PMEPA1: variants seen among roughly 807,000 people sequenced by gnomAD.
PMEPA1 encodes protein TMEPAI.
Under a neutral mutation model 23.0 loss-of-function variants are expected in PMEPA1, and 11 were observed. The ratio of observed to expected loss-of-function variants is 0.48; its 90% CI spans 0.30 to 0.79. The LOEUF is 0.79. Among genes scored for constraint, PMEPA1 ranks in the 30% least tolerant of loss-of-function variants. The pLI is 0.06. For missense variants in PMEPA1, 377 were observed against 390.9 expected (o/e 0.96, Z 0.30); for synonymous variants, 204 against 166.4 (o/e 1.23, Z -1.74).
chr20:57,679,338 T>C (rs2071680175), intron 1 of PMEPA1, among the ~76,000 whole-genome samples: 1 of 152,160 alleles, frequency 6.6e-6, no homozygotes, highest in Admixed American at 6.5e-5. Flanking sequence ...CTAGCTGCTT[T>C]GGGGCTTGGC....
intron 1 of PMEPA1, among the ~76,000 whole-genome samples, chr20:57,693,093 G>A (rs868058993): frequency 1.3e-5 from 2 of 152,228 alleles, no homozygotes; most frequent in Admixed American, 1.3e-4. Context: ...GGGAGTGGCC[G>A]CCTCGCTCTG....
intron 1 of PMEPA1, chr20:57,690,392 AC>A: frequency 7.8e-7 from 1 of 1,285,058 alleles, no homozygotes; most frequent in Non-Finnish European, 1.0e-6. Context: ...GAAGAAACTT[AC>A]CTCCATGTGC....
Position 57,653,090 on chromosome 20 carries a change from C to A in PMEPA1, c.265-4G>T, listed in dbSNP as rs377133600. On this transcript the variant is annotated splice_polypyrimidine_tract_variant and splice_region_variant and intron_variant, in intron 2 of 3. Coordinates refer to ENST00000341744, the MANE Select transcript of PMEPA1 (RefSeq NM_020182.5). Reference sequence around the variant, plus strand: ...CCGAGGGCCACAGGCATCCTTCCTGCACAGGAAGAAACGTACAAGCAGGGT... The same window carrying A: ...CCGAGGGCCACAGGCATCCTTCCTGAACAGGAAGAAACGTACAAGCAGGGT... 1.1e-4 allele frequency: 168 copies of A among 1,581,042 alleles called. No homozygotes were observed. Among genetic ancestry groups the A allele is most frequent in the Non-Finnish European group, 1.4e-4 (166 of 1,162,852 alleles).
intron 1 of PMEPA1, among the ~76,000 whole-genome samples, chr20:57,679,928 C>T (rs157095): frequency 0.3 from 45,952 of 152,100 alleles, 7,185 homozygotes; most frequent in African/African-American, 0.41. Flanking sequence ...ACAGAGCAAC[C>T]GTGCAAAGCT....
At chr20:57,669,504 G>A (rs776370648) in intron 1 of PMEPA1, among the ~76,000 whole-genome samples, 2 of 152,124 alleles carry the variant, frequency 1.3e-5, no homozygotes, top group Non-Finnish European at 2.9e-5. Flanking sequence ...GTGCAAGAAG[G>A]CCCCCTGCAG....
chr20:57,664,816 A>C (rs1016035642), intron 1 of PMEPA1, among the ~76,000 whole-genome samples: 2 of 152,238 alleles, frequency 1.3e-5, no homozygotes, highest in African/African-American at 4.8e-5. Flanking sequence ...AGGGCCAAGC[A>C]GGCCACACCC....
chr20:57,689,660 A>G (rs2071850161), intron 1 of PMEPA1, among the ~76,000 whole-genome samples: 1 of 152,240 alleles, frequency 6.6e-6, no homozygotes, highest in South Asian at 2.1e-4. Flanking sequence ...CATGATGATC[A>G]GCTTAGAAGC....
At position 57,651,772 on chromosome 20, in the gene PMEPA1, GAA is replaced by G. The variant is rs2071232217; in HGVS notation, c.*279_*280del. ...ACGCACGCAGCTCAACTAGAAACAA[GAA>G]AGACTACTGTAGAAATTTTTTTTCT... is the stretch of plus-strand genomic sequence containing the variant. On this transcript the variant is annotated 3_prime_UTR_variant, in exon 4 of 4. Coordinates refer to ENST00000341744, the MANE Select transcript of PMEPA1 (RefSeq NM_020182.5). The G allele has an allele frequency of 1.0e-5, 3 of 286,192 alleles. No individual in the cohort carries two copies. Among genetic ancestry groups the G allele is most frequent in the African/African-American group, 6.5e-5 (3 of 45,844 alleles). The allele number at this position is 286,192 out of a possible 1,614,324, so 17.7% of individuals were successfully genotyped here.
Position 57,652,640 on chromosome 20 carries a change from A to T in PMEPA1, c.319-42T>A, listed in dbSNP as rs756355534. ...GGGAGTGAGGGAGGGCGGCTGTCTC[A>T]GGTGGGTTGTCCAGAAGCGATCCTG... On this transcript the variant is annotated intron_variant, in intron 3 of 3. Coordinates refer to ENST00000341744, the MANE Select transcript of PMEPA1 (RefSeq NM_020182.5). The surrounding 1 kb of genome is among the most constrained non-coding windows in gnomAD (Gnocchi z 6.1). 1 of 1,417,720 alleles carries T rather than the reference A, an allele frequency of 7.1e-7. No homozygotes were observed. The highest frequency in any genetic ancestry group is 1.5e-5 in the South Asian group (1 of 67,774). 87.8% of individuals were successfully genotyped at this position (1,417,720 alleles called of 1,614,324 possible).
At chr20:57,688,704 C>T (rs1194406471) in intron 1 of PMEPA1, among the ~76,000 whole-genome samples, 6 of 152,146 alleles carry the variant, frequency 3.9e-5, no homozygotes, top group South Asian at 2.1e-4. Flanking sequence ...ATGAGGCGAC[C>T]GAGGCTAAAA....
In PMEPA1 at chr20:57,659,547, G is replaced by A; in HGVS notation, c.260C>T (p.Ser87Phe). 1 of 1,613,906 alleles carries A rather than the reference G, an allele frequency of 6.2e-7. No homozygotes were observed. ...ATGGGATGGCGGGGCACTTACTGAG[G>A]ACAGGGCATCTTCTCTCCTCCGCCC... Reference protein sequence around the residue: ...SQGRRREDALSSEGCLWPSES... With the variant: ...SQGRRREDALFSEGCLWPSES... Residue 87 changes from serine to phenylalanine, a missense_variant, in exon 2 of 4, where the codon TCC becomes TTC. This residue lies in a region of PMEPA1 where 198 missense variants were observed against 196.3 expected (regional missense o/e 1.01). Transcript: ENST00000341744.
chr20:57,691,403 C>G (rs1884290065), intron 1 of PMEPA1, among the ~76,000 whole-genome samples: 1 of 152,140 alleles, frequency 6.6e-6, no homozygotes. Flanking sequence ...AGAGGAGGAA[C>G]AGACCGAGGA....
intron 2 of PMEPA1, among the ~76,000 whole-genome samples, chr20:57,657,033 A>G (rs932090110): frequency 1.3e-5 from 2 of 152,170 alleles, no homozygotes; most frequent in African/African-American, 4.8e-5. Flanking sequence ...GCGGCTGGGT[A>G]GACAGTGGGA....
At chr20:57,671,642 A>G (rs2071570048) in intron 1 of PMEPA1, among the ~76,000 whole-genome samples, 1 of 152,222 alleles carries the variant, frequency 6.6e-6, no homozygotes, top group Non-Finnish European at 1.5e-5. Context: ...AAATGCCACC[A>G]AACACACCTT....
chr20:57,653,078 G>A lies in PMEPA1; in HGVS notation c.273C>T (p.Cys91=), dbSNP rs1187362063. The A allele has an allele frequency of 6.3e-7, 1 of 1,587,126 alleles. No individual in the cohort carries two copies. The highest frequency in any genetic ancestry group is 8.6e-7 in the Non-Finnish European group (1 of 1,166,286). Residue 91 remains cysteine (C), a synonymous_variant, in exon 3 of 4, where the codon TGC becomes TGT. Transcript: ENST00000341744. Reference sequence around the variant, plus strand: ...ACACTGTGCTCTCCGAGGGCCACAGGCATCCTTCCTGCACAGGAAGAAACG... The same window carrying A: ...ACACTGTGCTCTCCGAGGGCCACAGACATCCTTCCTGCACAGGAAGAAACG... The part of the protein sequence containing the change: ...RREDALSSEG[C]LWPSESTVSG...
rs1555882182 is a variant in PMEPA1 at position 57,683,558 on chromosome 20, T to TGTGTGTGC, written c.110-23862_110-23861insGCACACAC. On this transcript the variant is annotated intron_variant, in intron 1 of 3. Transcript: ENST00000341744. This position sits in a 1 kb window ranked among gnomAD's most constrained non-coding sequence, Gnocchi z 4.3. ...GGTGGTGTTCTGGCCTGTGTGCGTG[T>TGTGTGTGC]GTGTGTGTGTGTGTGTGTGTGTGTG... Among the ~76,000 whole-genome samples the TGTGTGTGC allele has an allele frequency of 4.3e-3, 603 of 141,084 alleles. 4 individuals are homozygous for TGTGTGTGC. Among genetic ancestry groups the TGTGTGTGC allele is most frequent in the African/African-American group, 0.015 (525 of 35,686 alleles). The allele number at this position is 141,084 out of a possible 152,430, so 92.6% of individuals were successfully genotyped here.
upstream of PMEPA1, chr20:57,710,518 A>C: frequency 6.9e-6 from 11 of 1,585,442 alleles, no homozygotes; most frequent in Middle Eastern, 3.3e-4. Context: ...CTCGGGGATC[A>C]TGGCCCACTG....
intron 1 of PMEPA1, among the ~76,000 whole-genome samples, chr20:57,685,937 G>A (rs1427131982): frequency 6.6e-6 from 1 of 152,148 alleles, no homozygotes; most frequent in Non-Finnish European, 1.5e-5. Flanking sequence ...CTCATACAAA[G>A]GGTCACTATA....
chr20:57,707,435 A>G (rs4811905), intron 1 of PMEPA1, among the ~76,000 whole-genome samples: 89,603 of 152,066 alleles, frequency 0.59, 27,036 homozygotes, highest in East Asian at 0.91. Flanking sequence ...TATACACAGA[A>G]CACAGGACTA....
Sources: allele counts gnomAD v4.1 joint callset (sites outside exome capture counted in the v4.1 genomes callset), GRCh38; gene constraint gnomAD v4.1.1; regional missense constraint gnomAD v4.1.1; non-coding constraint Gnocchi (gnomAD v3.1); transcripts MANE v1.5; gene names NCBI Gene and HGNC (gene_info 2026-07-23, HGNC 2026-07-21).